The following RAPGEF4 variants were observed in gnomAD, a reference collection of about 807,000 sequenced individuals.
RAPGEF4 encodes RAP guanine-nucleotide-exchange factor (GEF) 4.
Under a neutral mutation model 147.9 loss-of-function variants are expected in RAPGEF4, and 66 were observed. The observed-to-expected ratio is 0.45, with a 90% CI of 0.37 to 0.55. RAPGEF4 has a LOEUF of 0.55. RAPGEF4 is among the 20% of genes least tolerant of loss of function. The pLI, the probability that RAPGEF4 is intolerant of heterozygous loss-of-function variation, is 0.00. For synonymous variants in RAPGEF4, 419 were observed against 442.7 expected (o/e 0.95, Z 0.67); for missense variants, 1,071 against 1,257.3 (o/e 0.85, Z 2.24).
intron 25 of RAPGEF4, among the ~76,000 whole-genome samples, chr2:173,028,823 T>C (rs1287995905): frequency 6.6e-6 from 1 of 152,212 alleles, no homozygotes; most frequent in African/African-American, 2.4e-5. Context: ...AACTTCAACA[T>C]ATTTGTTTTA....
At chr2:172,917,473 A>G in intron 4 of RAPGEF4, 1 of 606,530 alleles carries the variant, frequency 1.6e-6, no homozygotes, top group East Asian at 3.7e-5. Context: ...TTCCCTCTAC[A>G]AAAAGCTGAG....
intron 4 of RAPGEF4, among the ~76,000 whole-genome samples, chr2:172,850,380 G>C (rs1250404182): frequency 6.6e-6 from 1 of 152,114 alleles, no homozygotes; most frequent in Non-Finnish European, 1.5e-5. Context: ...CACTTCGGGA[G>C]GCCGAGGTGG....
At chr2:173,007,927 G>A (rs918434099) in intron 17 of RAPGEF4, among the ~76,000 whole-genome samples, 2 of 152,194 alleles carry the variant, frequency 1.3e-5, no homozygotes, top group Non-Finnish European at 2.9e-5. Context: ...ACCTCTCCAA[G>A]CCCCTTCTGT....
chr2:172,768,741 G>A (rs1242968483), intron 1 of RAPGEF4, among the ~76,000 whole-genome samples: 2 of 152,182 alleles, frequency 1.3e-5, no homozygotes, highest in Non-Finnish European at 2.9e-5. Context: ...TAAAATATCT[G>A]TGGCCTACTG....
chr2:173,010,661 T>A lies in RAPGEF4; in HGVS notation c.1659-3803T>A, dbSNP rs149706064. On this transcript the variant is annotated intron_variant, in intron 17 of 30. Coordinates refer to ENST00000397081, the MANE Select transcript of RAPGEF4 (RefSeq NM_007023.4). ...CCCCTTCCTACCTTTTTTGTAGGAGTTAAATAAAAGCTAAAAATTACAAAC... is the reference window on the plus strand; with the variant it reads ...CCCCTTCCTACCTTTTTTGTAGGAGATAAATAAAAGCTAAAAATTACAAAC... Among the ~76,000 whole-genome samples the A allele has an allele frequency of 9.9e-5, 15 of 152,228 alleles. No homozygotes were observed. In the East Asian group the frequency reaches 2.9e-3, roughly 29 times the overall value.
At chr2:172,757,458 G>A (rs1482703555) in intron 1 of RAPGEF4, among the ~76,000 whole-genome samples, 1 of 152,104 alleles carries the variant, frequency 6.6e-6, no homozygotes, top group Non-Finnish European at 1.5e-5. Context: ...GTTTGCTTTT[G>A]TTTTATTTGT....
chr2:172,784,188 G>A (rs577925554), intron 1 of RAPGEF4, among the ~76,000 whole-genome samples: 10 of 152,018 alleles, frequency 6.6e-5, no homozygotes, highest in South Asian at 6.3e-4. Context: ...TACTTTATTC[G>A]CCTGTCATAC....
intron 3 of RAPGEF4, among the ~76,000 whole-genome samples, chr2:172,801,583 A>G (rs1686987397): frequency 6.6e-6 from 1 of 152,154 alleles, no homozygotes; most frequent in South Asian, 2.1e-4. Context: ...CACTCACCAC[A>G]CTGCCCTCCC....
At position 172,754,814 on chromosome 2, in the gene RAPGEF4, G is replaced by A. The variant is rs572258750; in HGVS notation, c.65+18766G>A. 2.8e-4 allele frequency among the ~76,000 whole-genome samples: 43 copies of A among 152,268 alleles called. 2 individuals are homozygous for A. The South Asian group carries it at 5.8e-3, about 21-fold the overall frequency. On this transcript the variant is annotated intron_variant, in intron 1 of 30. Coordinates refer to ENST00000397081, the MANE Select transcript of RAPGEF4 (RefSeq NM_007023.4). ...TCCCAGCACTTTGGGAGGCCGAGGC[G>A]GGCGGATCACGAGGTCAGGAGATGG...
At chr2:172,773,309 G>A (rs1363554117) in intron 1 of RAPGEF4, among the ~76,000 whole-genome samples, 1 of 152,172 alleles carries the variant, frequency 6.6e-6, no homozygotes, top group South Asian at 2.1e-4. Flanking sequence ...CAATAAAAAT[G>A]ATCTGGCATC....
At chr2:172,916,604 C>T (rs771481998) in intron 4 of RAPGEF4, among the ~76,000 whole-genome samples, 2 of 152,134 alleles carry the variant, frequency 1.3e-5, no homozygotes, top group Non-Finnish European at 2.9e-5. Context: ...TCACTTAGCT[C>T]AGAGGCTGAG....
intron 4 of RAPGEF4, among the ~76,000 whole-genome samples, chr2:172,862,313 C>T (rs879546860): frequency 5.9e-5 from 9 of 152,072 alleles, no homozygotes; most frequent in Non-Finnish European, 1.2e-4. Flanking sequence ...TCTTTGGGAC[C>T]GGGTCAGAAG....
At chr2:172,790,768 C>G (rs191333900) in intron 1 of RAPGEF4, among the ~76,000 whole-genome samples, 74 of 152,280 alleles carry the variant, frequency 4.9e-4, no homozygotes, top group Non-Finnish European at 7.3e-4. Context: ...TTCATATGCC[C>G]TTTATCCACG....
At chr2:172,957,372 A>G (rs557725847) in intron 6 of RAPGEF4, among the ~76,000 whole-genome samples, 1 of 152,356 alleles carries the variant, frequency 6.6e-6, no homozygotes, top group South Asian at 2.1e-4. Context: ...ACCAAGGGAA[A>G]CCAAAAAGGA....
intron 4 of RAPGEF4, among the ~76,000 whole-genome samples, chr2:172,897,202 A>C (rs946825624): frequency 6.6e-6 from 1 of 152,064 alleles, no homozygotes; most frequent in South Asian, 2.1e-4. Flanking sequence ...CAATTCACCC[A>C]TTTATGTTGT....
At chr2:172,776,828 A>G (rs182372845) in intron 1 of RAPGEF4, among the ~76,000 whole-genome samples, 2 of 152,170 alleles carry the variant, frequency 1.3e-5, no homozygotes, top group South Asian at 2.1e-4. Flanking sequence ...CTATCTGTTC[A>G]TGCATTATGA....
intron 1 of RAPGEF4, among the ~76,000 whole-genome samples, chr2:172,780,179 A>G (rs1032694794): frequency 5.3e-5 from 8 of 152,330 alleles, no homozygotes; most frequent in African/African-American, 1.9e-4. Flanking sequence ...AAAAACAAAC[A>G]GAAGTTTATT....
chr2:172,797,526 A>G lies in RAPGEF4; in HGVS notation c.210A>G (p.Leu70=), dbSNP rs1489994425. The part of the protein sequence containing the change: ...YYENLEKGIT[L]FRQGDIGTNW... ...TATATCACAATTTTTTTTTCCCAGT[A>G]TTTCGCCAGGGTGATATTGGAACAA... is the stretch of plus-strand genomic sequence containing the variant. Residue 70 remains leucine, a splice_region_variant and synonymous_variant, in exon 3 of 31, where the codon TTA becomes TTG. Transcript: ENST00000397081. 2 of 1,611,626 alleles carry G rather than the reference A, an allele frequency of 1.2e-6. No individual in the cohort carries two copies. Among genetic ancestry groups the G allele is most frequent in the Non-Finnish European group, 1.7e-6 (2 of 1,178,818 alleles).
intron 10 of RAPGEF4, among the ~76,000 whole-genome samples, chr2:172,980,754 C>T (rs1691593940): frequency 6.6e-6 from 1 of 152,112 alleles, no homozygotes; most frequent in South Asian, 2.1e-4. Context: ...AGTTCTTCAT[C>T]CTGTTTCAAA....
Sources: gnomAD v4.1 joint callset for allele counts (sites outside exome capture counted in the v4.1 genomes callset) on GRCh38, gnomAD v4.1.1 for gene constraint, MANE v1.5 for transcripts, NCBI Gene and HGNC (gene_info 2026-07-23, HGNC 2026-07-21) for gene names.